The following PARP8 variants were observed in gnomAD, a reference collection of about 807,000 sequenced individuals.
PARP8 encodes poly(ADP-ribose) polymerase family member 8.
In PARP8, 51 loss-of-function variants were observed where a neutral mutation model predicts 124.1. The ratio of observed to expected loss-of-function variants is 0.41; its 90% CI spans 0.33 to 0.52. The LOEUF (loss-of-function observed/expected upper bound fraction) is 0.52. Ranked by LOEUF, PARP8 falls within the 20% of genes least tolerant of loss-of-function variation. PARP8 has a pLI of 0.21. For synonymous variants in PARP8, 391 were observed against 361.5 expected (o/e 1.08, Z -0.93); for missense variants, 860 against 1,018.9 (o/e 0.84, Z 2.12).
chr5:50,831,521 T>A (rs1746984647), intron 22 of PARP8, among the ~76,000 whole-genome samples: 1 of 152,080 alleles, frequency 6.6e-6, no homozygotes, highest in South Asian at 2.1e-4. Context: ...TACCAGGAAG[T>A]GTAAGATACC....
intron 2 of PARP8, among the ~76,000 whole-genome samples, chr5:50,742,651 G>A (rs1758167071): frequency 6.6e-6 from 1 of 152,212 alleles, no homozygotes; most frequent in South Asian, 2.1e-4. Context: ...GGAAGAAAAA[G>A]TAAGGGGGTT....
Position 50,822,292 on chromosome 5 carries a change from A to G in PARP8, c.1795-43A>G, listed in dbSNP as rs1468990233. On this transcript the variant is annotated intron_variant, in intron 16 of 25. Transcript: ENST00000281631. Reference sequence around the variant, plus strand: ...GTGATATACAGACTTGCAAGAGCTTATAAGCAAATGCTGTTTTTTAACATC... The same window carrying G: ...GTGATATACAGACTTGCAAGAGCTTGTAAGCAAATGCTGTTTTTTAACATC... The G allele has an allele frequency of 2.9e-6, 4 of 1,387,866 alleles. No homozygotes were observed. The East Asian group carries it at 6.9e-5, about 24-fold the overall frequency. 86.0% of individuals were successfully genotyped at this position (1,387,866 alleles called of 1,614,324 possible). A position where few individuals can be genotyped will look rare whatever the true frequency, so the allele number is the denominator to read the frequency against.
Position 50,788,546 on chromosome 5 carries a change from A to T in PARP8, c.694A>T (p.Ile232Phe). The T allele has an allele frequency of 6.2e-7, 1 of 1,613,428 alleles. No individual in the cohort carries two copies. The highest frequency in any genetic ancestry group is 1.3e-5 in the African/African-American group (1 of 74,960). Reference sequence around the variant, plus strand: ...AGTGCCCACTGTTGATGTCTTTCAGATTTCCACAAAAGAGCGATTTGGATT... The same window carrying T: ...AGTGCCCACTGTTGATGTCTTTCAGTTTTCCACAAAAGAGCGATTTGGATT... ...GPVPTVDVFQ[I>F]STKERFGLGH... is the part of the protein sequence containing the mutation. Residue 232 changes from isoleucine (I) to phenylalanine (F), a missense_variant, in exon 10 of 26, where the codon ATT (isoleucine) becomes TTT (phenylalanine). This residue lies in a region of PARP8 where 517 missense variants were observed against 544.2 expected (regional missense o/e 0.95). Transcript: ENST00000281631.
At chr5:50,817,337 C>T (rs1745215307) in intron 15 of PARP8, among the ~76,000 whole-genome samples, 1 of 152,170 alleles carries the variant, frequency 6.6e-6, no homozygotes. Context: ...TTTAGTAATT[C>T]TACTCCAAAG....
At chr5:50,763,111 A>G in intron 6 of PARP8, 37 bp from the exon 7 acceptor site, 1 of 1,513,686 alleles carries the variant, frequency 6.6e-7, no homozygotes, top group Non-Finnish European at 9.2e-7. Flanking sequence ...GATTCTGTTC[A>G]CTTCTGAGAC....
rs1758752397 is a variant in PARP8, at chr5:50,747,760, G to GC, written c.147-2390dup. Among the ~76,000 whole-genome samples the GC allele has an allele frequency of 3.4e-5, 3 of 87,880 alleles. 1 individual carries two copies. The East Asian group carries it at 9.2e-4, about 27-fold the overall frequency. 57.7% of individuals were successfully genotyped at this position (87,880 alleles called of 152,430 possible). ...ATCTCTCAAAGATAGGATAGACCTT[G>GC]CTTTTTTTTTTTTTTTTTTTTTTTT... On this transcript the variant is annotated intron_variant, in intron 2 of 25. Coordinates refer to ENST00000281631, the MANE Select transcript of PARP8 (RefSeq NM_024615.4).
chr5:50,815,327 A>C, intron 14 of PARP8, 105 bp from the exon 15 acceptor site: 2 of 767,222 alleles, frequency 2.6e-6, no homozygotes, highest in South Asian at 4.7e-5. Context: ...TTTAAAAAAC[A>C]CTTAAACCTT....
At chr5:50,818,372 G>A (rs1224047056) in intron 15 of PARP8, among the ~76,000 whole-genome samples, 1 of 152,044 alleles carries the variant, frequency 6.6e-6, no homozygotes, top group Admixed American at 6.6e-5. Flanking sequence ...GGGATAACAG[G>A]TCCATGCCAC....
At chr5:50,788,052 T>A (rs1278873861) in intron 9 of PARP8, among the ~76,000 whole-genome samples, 2 of 149,718 alleles carry the variant, frequency 1.3e-5, no homozygotes, top group East Asian at 3.9e-4. Flanking sequence ...AAATGATGTA[T>A]GTAGATGCAA....
chr5:50,701,650 T>G (rs1335566213), intron 2 of PARP8, among the ~76,000 whole-genome samples: 5 of 152,124 alleles, frequency 3.3e-5, no homozygotes, highest in African/African-American at 1.2e-4. Context: ...GTTAAAGAGA[T>G]AAAGTTAGTT....
intron 14 of PARP8, among the ~76,000 whole-genome samples, chr5:50,812,799 G>A (rs1744613086): frequency 6.6e-6 from 1 of 152,110 alleles, no homozygotes; most frequent in African/African-American, 2.4e-5. Context: ...TCCAGTTTCA[G>A]CTTTCTAAAT....
intron 14 of PARP8, among the ~76,000 whole-genome samples, chr5:50,808,598 G>T (rs1311178684): frequency 6.6e-6 from 1 of 151,918 alleles, no homozygotes; most frequent in African/African-American, 2.4e-5. Flanking sequence ...ACCTTCTATT[G>T]TTGTGGAAAC....
At chr5:50,788,058 T>C (rs1741473548) in intron 9 of PARP8, among the ~76,000 whole-genome samples, 1 of 149,548 alleles carries the variant, frequency 6.7e-6, no homozygotes, top group Non-Finnish European at 1.5e-5. Context: ...TGTATGTAGA[T>C]GCAAACATGT....
chr5:50,791,235 A>G (rs537204759), intron 10 of PARP8, among the ~76,000 whole-genome samples: 42 of 152,358 alleles, frequency 2.8e-4, no homozygotes, highest in African/African-American at 9.4e-4. Context: ...CTTATGCAGT[A>G]CGTATTATAT....
chr5:50,694,605 G>GAT (rs1561254448), intron 2 of PARP8, among the ~76,000 whole-genome samples: 1 of 152,134 alleles, frequency 6.6e-6, no homozygotes, highest in African/African-American at 2.4e-5. Flanking sequence ...TGCACATTGA[G>GAT]ATATTACCTT....
rs1183543359 is a variant in PARP8 at position 50,778,185 on chromosome 5, T to C, written c.579+56T>C. ...TGCATTTAAAATACATTTTATTTTA[T>C]TTTTGGGGGAAATTTAATTTTCAGT... On this transcript the variant is annotated intron_variant, in intron 8 of 25. Transcript: ENST00000281631. 4.7e-6 allele frequency: 6 copies of C among 1,284,906 alleles called. No individual in the cohort carries two copies. The East Asian group carries it at 9.6e-5, about 21-fold the overall frequency. The allele number at this position is 1,284,906 out of a possible 1,614,324, so 79.6% of individuals were successfully genotyped here. A position where few individuals can be genotyped will look rare whatever the true frequency, so the allele number is the denominator to read the frequency against.
chr5:50,765,758 G>A (rs1760995229), intron 7 of PARP8, among the ~76,000 whole-genome samples: 1 of 152,172 alleles, frequency 6.6e-6, no homozygotes. Flanking sequence ...ACTTAAATGG[G>A]AATGAATTTA....
intron 18 of PARP8, among the ~76,000 whole-genome samples, chr5:50,825,589 C>T (rs1272373892): frequency 2.6e-5 from 4 of 152,100 alleles, no homozygotes; most frequent in African/African-American, 9.7e-5. Flanking sequence ...TTGCCCTCTT[C>T]TACTTCTAAT....
intron 2 of PARP8, among the ~76,000 whole-genome samples, chr5:50,728,735 G>T (rs1756679991): frequency 6.6e-6 from 1 of 152,054 alleles, no homozygotes; most frequent in Non-Finnish European, 1.5e-5. Context: ...TATCAAGGAA[G>T]TTAGCTGTTT....
Sources: gnomAD v4.1 joint callset for allele counts (sites outside exome capture counted in the v4.1 genomes callset) on GRCh38, gnomAD v4.1.1 for gene constraint, gnomAD v4.1.1 regional missense constraint, MANE v1.5 for transcripts, NCBI Gene and HGNC (gene_info 2026-07-23, HGNC 2026-07-21) for gene names.